Variants in SH3BP5 observed in about 807,000 individuals in gnomAD.
The protein encoded by SH3BP5 is SH3 domain-binding protein 5.
SH3BP5 carries 22 observed loss-of-function variants against 43.3 expected under a neutral mutation model. That is an observed-to-expected ratio of 0.51 (90% CI 0.36 to 0.73). The LOEUF (loss-of-function observed/expected upper bound fraction) is 0.73, where lower values mean the gene tolerates loss of function less well. Ranked by LOEUF, SH3BP5 falls within the 30% of genes least tolerant of loss-of-function variation. The pLI, the probability that SH3BP5 is intolerant of heterozygous loss-of-function variation, is 0.00. For synonymous variants in SH3BP5, 255 were observed against 225.8 expected, an observed-to-expected ratio of 1.13 and a Z score of -1.16; for missense variants, 529 against 586.9, an observed-to-expected ratio of 0.90 and a Z score of 1.02.
At chr3:15,257,235 T>C (rs1295090165) in intron 7 of SH3BP5, 122 bp from the exon 8 acceptor site, 1 of 1,018,356 alleles carries the variant, frequency 9.8e-7, no homozygotes, top group East Asian at 2.4e-5. Flanking sequence ...CCTCTGTGAG[T>C]GCCTAATGAA....
intron 2 of SH3BP5, among the ~76,000 whole-genome samples, chr3:15,306,054 TA>T (rs60186514): frequency 5.1e-5 from 7 of 136,998 alleles, no homozygotes; most frequent in Admixed American, 7.2e-5. Context: ...TGCATGAGTT[TA>T]AAAAAAAAAG....
chr3:15,328,555 T>A (rs568704109), intron 2 of SH3BP5, among the ~76,000 whole-genome samples: 2 of 152,070 alleles, frequency 1.3e-5, no homozygotes, highest in African/African-American at 4.8e-5. Flanking sequence ...CAGAGCTAGA[T>A]CCCATCTTTA....
chr3:15,289,290 T>C (rs1219864154), intron 3 of SH3BP5, among the ~76,000 whole-genome samples: 1 of 152,220 alleles, frequency 6.6e-6, no homozygotes, highest in Non-Finnish European at 1.5e-5. Flanking sequence ...GACCAAGTTC[T>C]AGCAATGAAT....
At chr3:15,282,985 T>C (rs2125083274) in intron 3 of SH3BP5, among the ~76,000 whole-genome samples, 1 of 152,304 alleles carries the variant, frequency 6.6e-6, no homozygotes, top group South Asian at 2.1e-4. Context: ...CTTTTGTTCT[T>C]TACCTTCCAC....
intron 6 of SH3BP5, 167 bp from the exon 7 acceptor site, chr3:15,259,217 C>CA (rs1264830822): frequency 3.2e-6 from 2 of 626,254 alleles, no homozygotes; most frequent in Non-Finnish European, 5.6e-6. Flanking sequence ...ATTCACCAGA[C>CA]AAAATCAGCC....
intron 5 of SH3BP5, 200 bp from the exon 6 acceptor site, chr3:15,260,003 C>T: frequency 1.6e-6 from 1 of 607,328 alleles, no homozygotes; most frequent in Non-Finnish European, 3.0e-6. Flanking sequence ...CGACTGGGCT[C>T]ACCCAGGGCT....
intron 1 of SH3BP5, among the ~76,000 whole-genome samples, chr3:15,338,504 A>G (rs1698728108): frequency 6.6e-6 from 1 of 152,160 alleles, no homozygotes; most frequent in African/African-American, 2.4e-5. Context: ...TCCACCAGTG[A>G]TATTTACGTG....
At position 15,309,913 on chromosome 3, in the gene SH3BP5, C is replaced by G. The variant is rs567473330; in HGVS notation, c.202-5682G>C. 3.5e-3 allele frequency among the ~76,000 whole-genome samples: 527 copies of G among 151,058 alleles called. 3 individuals carry two copies. Among genetic ancestry groups the G allele is most frequent in the African/African-American group, 0.012 (494 of 40,700 alleles). The stretch of plus-strand genomic sequence containing the variant: ...GCCAGTCTTCCCCGCTCCACCCCCC[C>G]CCCATAAGAAAAAGCCCACCCAGTT... On this transcript the variant is annotated intron_variant, in intron 2 of 8. Transcript: ENST00000383791.
Position 15,269,777 on chromosome 3 carries a change from A to G in SH3BP5, c.431T>C (p.Leu144Pro), listed in dbSNP as rs750704063. The G allele has an allele frequency of 2.5e-6, 4 of 1,612,132 alleles. No individual in the cohort carries two copies. Among genetic ancestry groups the G allele is most frequent in the African/African-American group, 1.3e-5 (1 of 74,882 alleles). ...GTCGAACTGCCGCTTGTCATCCTCC[A>G]GCAGCCGCTGCTCGGCCAGGGAGAT... The part of the protein sequence containing the change: ...ETISLAEQRL[L>P]EDDKRQFDSA... The change falls in exon 4 of 9, where the codon CTG becomes CCG. Residue 144 changes from leucine to proline, a missense_variant. This residue lies in a region of SH3BP5 where 85 missense variants were observed against 140.8 expected (regional missense o/e 0.60). Coordinates refer to ENST00000383791, the MANE Select transcript of SH3BP5 (RefSeq NM_004844.5).
At chr3:15,277,433 T>C (rs1697003908) in intron 3 of SH3BP5, among the ~76,000 whole-genome samples, 1 of 152,000 alleles carries the variant, frequency 6.6e-6, no homozygotes, top group Non-Finnish European at 1.5e-5. Flanking sequence ...GGGTATAAGA[T>C]TTGCAGAGAC....
chr3:15,336,689 C>T (rs1698704267), upstream of SH3BP5, among the ~76,000 whole-genome samples: 1 of 152,040 alleles, frequency 6.6e-6, no homozygotes, highest in African/African-American at 2.4e-5. Flanking sequence ...AAGGACCCAC[C>T]TATGGTTTGA....
intron 6 of SH3BP5, 85 bp downstream of exon 6, chr3:15,259,676 C>T: frequency 2.5e-6 from 3 of 1,219,564 alleles, no homozygotes; most frequent in Non-Finnish European, 3.7e-6. Context: ...AGCAAGTGGC[C>T]CATGTGATAC....
chr3:15,332,665 C>G (rs1307846077), upstream of SH3BP5: 1 of 1,142,826 alleles, frequency 8.8e-7, no homozygotes, highest in African/African-American at 1.6e-5. Context: ...CCCGGCCTCG[C>G]GTTCCGCCGC....
intron 4 of SH3BP5, among the ~76,000 whole-genome samples, chr3:15,269,098 GCAGT>G (rs555687679): frequency 9.7e-4 from 147 of 152,222 alleles, no homozygotes; most frequent in Non-Finnish European, 1.6e-3. Context: ...TCTGAGTAAC[GCAGT>G]CAGAGAGGTG....
chr3:15,330,466 C>T, intron 2 of SH3BP5, 38 bp downstream of exon 2: 1 of 1,543,366 alleles, frequency 6.5e-7, no homozygotes, highest in Non-Finnish European at 9.0e-7. Context: ...GTGTGAGTGA[C>T]ATCACTTCAC....
At chr3:15,265,666 G>A (rs1696619682) in intron 4 of SH3BP5, among the ~76,000 whole-genome samples, 1 of 152,076 alleles carries the variant, frequency 6.6e-6, no homozygotes, top group African/African-American at 2.4e-5. Flanking sequence ...TAATCAAGGA[G>A]CTCCTCTATC....
At chr3:15,274,398 C>A (rs1331754458) in intron 3 of SH3BP5, among the ~76,000 whole-genome samples, 1 of 152,170 alleles carries the variant, frequency 6.6e-6, no homozygotes, top group Non-Finnish European at 1.5e-5. Flanking sequence ...AGGATACTTA[C>A]AATCATGGCA....
In SH3BP5 at chr3:15,258,841, A is replaced by G; in HGVS notation, c.879T>C (p.Asp293=). The G allele has an allele frequency of 6.2e-7, 1 of 1,613,748 alleles. No homozygotes were observed. Among genetic ancestry groups the G allele is most frequent in the Non-Finnish European group, 8.5e-7 (1 of 1,179,824 alleles). Residue 293 remains aspartate (D), a synonymous_variant, in exon 7 of 9, where the codon GAT becomes GAC. Coordinates refer to ENST00000383791, the MANE Select transcript of SH3BP5 (RefSeq NM_004844.5). The part of the protein sequence containing the change: ...EDLPGSKPEP[D]AISVASEAFE... ...GAGCCCCTGACTTACCAGAAATGGC[A>G]TCAGGCTCAGGTTTGCTCCCTGGCA...
intron 4 of SH3BP5, among the ~76,000 whole-genome samples, chr3:15,265,512 T>TCTCTCACACACACACACACACACACA (rs1318765546): frequency 9.3e-6 from 1 of 107,934 alleles, no homozygotes; most frequent in African/African-American, 4.2e-5. Flanking sequence ...CGAGACTCCG[T>TCTCTCACACACACACACACACACACA]CACACACACA....
Sources: allele counts gnomAD v4.1 joint callset (sites outside exome capture counted in the v4.1 genomes callset), GRCh38; gene constraint gnomAD v4.1.1; regional missense constraint gnomAD v4.1.1; transcripts MANE v1.5; gene names NCBI Gene and HGNC (gene_info 2026-07-23, HGNC 2026-07-21).